The following ZFPM2 variants were observed in gnomAD, a reference collection of about 807,000 sequenced individuals.
ZFPM2 encodes the protein zinc finger protein ZFPM2.
In ZFPM2, 20 loss-of-function variants were observed where a neutral mutation model predicts 98.6. That is an observed-to-expected ratio of 0.20 (90% CI 0.14 to 0.29). ZFPM2 has a LOEUF of 0.29. Ranked by LOEUF, ZFPM2 falls within the 10% of genes least tolerant of loss-of-function variation. The pLI, the probability that ZFPM2 is intolerant of heterozygous loss-of-function variation, is 1.00. For synonymous variants in ZFPM2, 518 were observed against 502.7 expected, an observed-to-expected ratio of 1.03 and a Z score of -0.41; for missense variants, 1,310 against 1,388.6, an observed-to-expected ratio of 0.94 and a Z score of 0.90.
intron 5 of ZFPM2, among the ~76,000 whole-genome samples, chr8:105,659,156 T>A (rs1817342978): frequency 6.6e-6 from 1 of 152,114 alleles, no homozygotes; most frequent in Non-Finnish European, 1.5e-5. Context: ...GAAAGAACAG[T>A]CTTAGAATAT....
intron 3 of ZFPM2, among the ~76,000 whole-genome samples, chr8:105,529,427 A>G (rs1344710157): frequency 6.6e-6 from 1 of 152,112 alleles, no homozygotes; most frequent in African/African-American, 2.4e-5. Context: ...CTATATGTAC[A>G]TTATTATAAG....
At chr8:105,532,864 T>C (rs201988466) in intron 3 of ZFPM2, among the ~76,000 whole-genome samples, 1 of 57,570 alleles carries the variant, frequency 1.7e-5, no homozygotes, top group Non-Finnish European at 3.2e-5. Flanking sequence ...TGGCATTAAG[T>C]TTTTTTTTTG....
At chr8:105,439,391 C>G (rs1289417840) in intron 2 of ZFPM2, among the ~76,000 whole-genome samples, 1 of 152,142 alleles carries the variant, frequency 6.6e-6, no homozygotes. Flanking sequence ...GAATGCCAGA[C>G]TAGCAATTAG....
At chr8:105,787,145 CA>C (rs967946493) in intron 5 of ZFPM2, 24 of 152,318 alleles carry the variant, frequency 1.6e-4, no homozygotes, top group African/African-American at 5.3e-4. Context: ...CAGAAGCCTT[CA>C]GGGGGGAGAA....
chr8:105,454,997 G>T (rs1812559171), intron 3 of ZFPM2, among the ~76,000 whole-genome samples: 1 of 152,092 alleles, frequency 6.6e-6, no homozygotes, highest in Non-Finnish European at 1.5e-5. Context: ...AGGATCGTGG[G>T]TTACTATTCC....
intron 5 of ZFPM2, among the ~76,000 whole-genome samples, chr8:105,703,694 C>G (rs563128016): frequency 2.6e-5 from 4 of 152,126 alleles, no homozygotes; most frequent in African/African-American, 9.6e-5. Context: ...TTTTCCTAAA[C>G]TAGTTTGCAT....
intron 3 of ZFPM2, among the ~76,000 whole-genome samples, chr8:105,525,932 A>G (rs1383956057): frequency 6.6e-6 from 1 of 152,138 alleles, no homozygotes; most frequent in Non-Finnish European, 1.5e-5. Context: ...ACATGGACAT[A>G]TTTTTATCAG....
intron 4 of ZFPM2, among the ~76,000 whole-genome samples, chr8:105,633,276 T>G (rs1025739885): frequency 3.3e-5 from 5 of 152,148 alleles, no homozygotes; most frequent in Non-Finnish European, 7.4e-5. Flanking sequence ...GAAAATTCAG[T>G]TCAAAAATTA....
At chr8:105,708,236 A>C (rs1811306254) in intron 5 of ZFPM2, among the ~76,000 whole-genome samples, 1 of 152,208 alleles carries the variant, frequency 6.6e-6, no homozygotes, top group South Asian at 2.1e-4. Context: ...GAGAATCATC[A>C]TATTACATCA....
At chr8:105,670,495 CAAAAAAAAAAAA>C (rs1160128174) in intron 5 of ZFPM2, among the ~76,000 whole-genome samples, 2 of 49,278 alleles carry the variant, frequency 4.1e-5, no homozygotes, top group South Asian at 1.3e-3. Context: ...GAGTCCATCT[CAAAAAAAAAAAA>C]AAAAAAAAAA....
chr8:105,637,438 G>A (rs2074950599), intron 5 of ZFPM2, among the ~76,000 whole-genome samples: 1 of 152,038 alleles, frequency 6.6e-6, no homozygotes, highest in Non-Finnish European at 1.5e-5. Flanking sequence ...ACTCACAATG[G>A]ATGCTGCTAT....
chr8:105,755,516 T>C (rs1396697110), intron 5 of ZFPM2, among the ~76,000 whole-genome samples: 3 of 152,112 alleles, frequency 2.0e-5, no homozygotes, highest in Admixed American at 6.6e-5. Context: ...TCAGACATCA[T>C]TTAGACAAGG....
intron 5 of ZFPM2, among the ~76,000 whole-genome samples, chr8:105,746,334 G>A (rs1812343907): frequency 6.6e-6 from 1 of 151,912 alleles, no homozygotes; most frequent in African/African-American, 2.4e-5. Context: ...GTGTCTTTAT[G>A]TAAGGGATAT....
At chr8:105,372,959 G>A (rs1041573846) in intron 1 of ZFPM2, among the ~76,000 whole-genome samples, 9 of 152,224 alleles carry the variant, frequency 5.9e-5, no homozygotes, top group African/African-American at 1.7e-4. Context: ...AATGTTTTAG[G>A]TGGCAATAAT....
chr8:105,512,005 G>A (rs1563692728), intron 3 of ZFPM2, among the ~76,000 whole-genome samples: 1 of 152,118 alleles, frequency 6.6e-6, no homozygotes, highest in South Asian at 2.1e-4. Flanking sequence ...AATTAGCCTG[G>A]TGTGGTGGCA....
At chr8:105,426,286 A>C (rs7822877) in intron 2 of ZFPM2, among the ~76,000 whole-genome samples, 52,112 of 152,104 alleles carry the variant, frequency 0.34, 11,213 homozygotes, top group African/African-American at 0.61. Context: ...TAAAAAAGAA[A>C]AGCCAATATG....
intron 5 of ZFPM2, among the ~76,000 whole-genome samples, chr8:105,652,126 G>T (rs1817191252): frequency 6.6e-6 from 1 of 151,504 alleles, no homozygotes; most frequent in South Asian, 2.1e-4. Flanking sequence ...TCATTGGCTT[G>T]CTATTACTGG....
In ZFPM2 at chr8:105,803,311, T is replaced by G. The variant is rs1228068540; in HGVS notation, c.3229T>G (p.Ser1077Ala). 7.5e-6 allele frequency: 12 copies of G among 1,597,198 alleles called. No individual in the cohort carries two copies. Among genetic ancestry groups the G allele is most frequent in the Non-Finnish European group, 9.4e-6 (11 of 1,171,192 alleles). ...PQHEDDHKSP[S>A]WISENPLAAN... Reference sequence around the variant, plus strand: ...GCACGAAGACGACCACAAATCTCCCTCGTGGATCTCTGAGAACCCATTAGC... The same window carrying G: ...GCACGAAGACGACCACAAATCTCCCGCGTGGATCTCTGAGAACCCATTAGC... The change falls in exon 8 of 8, where the codon TCG becomes GCG. Residue 1077 changes from serine to alanine, a missense_variant. Coordinates refer to ENST00000407775, the MANE Select transcript of ZFPM2 (RefSeq NM_012082.4).
At chr8:105,432,048 A>G (rs1812031737) in intron 2 of ZFPM2, among the ~76,000 whole-genome samples, 2 of 152,162 alleles carry the variant, frequency 1.3e-5, no homozygotes, top group Admixed American at 1.3e-4. Context: ...CCTGGTGAGC[A>G]TGCAAGGAGA....
Sources: allele counts gnomAD v4.1 joint callset (sites outside exome capture counted in the v4.1 genomes callset), GRCh38; gene constraint gnomAD v4.1.1; transcripts MANE v1.5; gene names NCBI Gene and HGNC (gene_info 2026-07-23, HGNC 2026-07-21).